The following CSMD3 variants were observed in gnomAD, a reference collection of about 807,000 sequenced individuals.
CSMD3 encodes the protein CUB and sushi domain-containing protein 3.
CSMD3 carries 177 observed loss-of-function variants against 435.2 expected under a neutral mutation model. The observed-to-expected ratio is 0.41, with a 90% CI of 0.36 to 0.46. CSMD3 has a LOEUF of 0.46. Among genes scored for constraint, CSMD3 ranks in the 20% least tolerant of loss-of-function variants. The pLI, the probability that CSMD3 is intolerant of heterozygous loss-of-function variation, is 0.34. For missense variants in CSMD3, 4,265 were observed against 4,504.6 expected (o/e 0.95, Z 1.52); for synonymous variants, 1,656 against 1,520.5 (o/e 1.09, Z -2.07).
At chr8:113,404,608 G>A (rs1210674444) in intron 1 of CSMD3, among the ~76,000 whole-genome samples, 1 of 151,256 alleles carries the variant, frequency 6.6e-6, no homozygotes, top group Admixed American at 6.6e-5. Context: ...TGTCTGAGCA[G>A]GATATATGTT....
chr8:112,604,700 A>T (rs1832655576), intron 22 of CSMD3, among the ~76,000 whole-genome samples: 1 of 152,188 alleles, frequency 6.6e-6, no homozygotes, highest in Non-Finnish European at 1.5e-5. Flanking sequence ...AAGAAAACCT[A>T]AGACATGCCA....
intron 3 of CSMD3, among the ~76,000 whole-genome samples, chr8:113,212,013 A>T (rs2092841186): frequency 6.6e-6 from 1 of 152,180 alleles, no homozygotes; most frequent in African/African-American, 2.4e-5. Context: ...GAATTACTTT[A>T]TATTAATAAA....
chr8:112,236,263 C>T (rs1276274162), intron 67 of CSMD3, among the ~76,000 whole-genome samples: 1 of 151,602 alleles, frequency 6.6e-6, no homozygotes, highest in Non-Finnish European at 1.5e-5. Context: ...AAGAATTTTA[C>T]AGTTTATATT....
chr8:112,292,438 A>G, intron 55 of CSMD3, 99 bp downstream of exon 55: 2 of 1,211,764 alleles, frequency 1.7e-6, no homozygotes, highest in Non-Finnish European at 1.2e-6. Context: ...TTAGATAAAA[A>G]CTTTTTACTA....
chr8:113,266,638 T>C (rs1563627280), intron 3 of CSMD3, among the ~76,000 whole-genome samples: 1 of 151,664 alleles, frequency 6.6e-6, no homozygotes, highest in Non-Finnish European at 1.5e-5. Context: ...ATAAATAACT[T>C]AATAAATGTT....
intron 39 of CSMD3, among the ~76,000 whole-genome samples, chr8:112,351,902 A>G (rs1025980282): frequency 2.6e-5 from 4 of 152,026 alleles, no homozygotes; most frequent in Non-Finnish European, 5.9e-5. Context: ...GACAAAAAAA[A>G]TCAAAAAAGA....
chr8:112,659,315 T>C (rs1036149202), intron 17 of CSMD3, among the ~76,000 whole-genome samples: 2 of 152,226 alleles, frequency 1.3e-5, no homozygotes, highest in African/African-American at 2.4e-5. Flanking sequence ...AATAGTTGTA[T>C]AAATTTCTCA....
intron 3 of CSMD3, among the ~76,000 whole-genome samples, chr8:113,187,658 T>A (rs973512350): frequency 6.6e-6 from 1 of 152,022 alleles, no homozygotes; most frequent in Admixed American, 6.6e-5. Context: ...TTTGTTTTTC[T>A]CTAACATTTT....
intron 5 of CSMD3, among the ~76,000 whole-genome samples, chr8:113,041,711 G>A (rs1226823427): frequency 7.2e-6 from 1 of 137,970 alleles, no homozygotes; most frequent in African/African-American, 2.5e-5. Flanking sequence ...GAAAAAAATT[G>A]TTATGTCTGT....
chr8:113,041,181 G>C, intron 5 of CSMD3, among the ~76,000 whole-genome samples: 1 of 133,568 alleles, frequency 7.5e-6, no homozygotes, highest in South Asian at 2.7e-4. Flanking sequence ...ACGCCAGCCT[G>C]GGTAAGAGAG....
chr8:112,877,896 A>G (rs551743734), intron 10 of CSMD3, among the ~76,000 whole-genome samples: 2 of 152,304 alleles, frequency 1.3e-5, no homozygotes, highest in East Asian at 3.9e-4. Flanking sequence ...CCCATTCCTT[A>G]CACCTTATAC....
At chr8:112,436,341 C>T (rs917648666) in intron 32 of CSMD3, among the ~76,000 whole-genome samples, 1 of 151,638 alleles carries the variant, frequency 6.6e-6, no homozygotes, top group Non-Finnish European at 1.5e-5. Context: ...AAATAATCAG[C>T]ATATTCAGTT....
intron 31 of CSMD3, among the ~76,000 whole-genome samples, chr8:112,476,773 C>T (rs978045209): frequency 1.2e-4 from 18 of 152,228 alleles, no homozygotes; most frequent in East Asian, 3.9e-4. Context: ...TGACTCTTGG[C>T]GTCCAACAAA....
intron 34 of CSMD3, among the ~76,000 whole-genome samples, chr8:112,407,097 T>C (rs972632842): frequency 1.3e-5 from 2 of 151,804 alleles, no homozygotes; most frequent in African/African-American, 4.8e-5. Flanking sequence ...TCAAAAAATA[T>C]GTGTCAGGTT....
chr8:113,429,210 G>T (rs1265385439), intron 1 of CSMD3, among the ~76,000 whole-genome samples: 2 of 150,106 alleles, frequency 1.3e-5, no homozygotes, highest in Admixed American at 6.8e-5. Flanking sequence ...ATGTATTATT[G>T]TTTCTTATAG....
intron 32 of CSMD3, among the ~76,000 whole-genome samples, chr8:112,430,186 T>C (rs978928890): frequency 1.3e-5 from 2 of 152,066 alleles, no homozygotes; most frequent in African/African-American, 4.8e-5. Flanking sequence ...TCCGCTTCCA[T>C]ATTTTCCCTA....
intron 4 of CSMD3, among the ~76,000 whole-genome samples, chr8:113,143,467 T>G (rs1295948333): frequency 6.6e-6 from 1 of 151,460 alleles, no homozygotes; most frequent in Non-Finnish European, 1.5e-5. Context: ...ATTGTGCTTC[T>G]GGGCATTTAT....
At chr8:113,037,398 T>C (rs1190809441) in intron 5 of CSMD3, among the ~76,000 whole-genome samples, 2 of 152,116 alleles carry the variant, frequency 1.3e-5, no homozygotes, top group African/African-American at 2.4e-5. Flanking sequence ...TTTCTATTTA[T>C]GTCATTCTCA....
chr8:112,435,379 T>C (rs532181107), intron 32 of CSMD3, among the ~76,000 whole-genome samples: 45 of 146,352 alleles, frequency 3.1e-4, no homozygotes, highest in South Asian at 2.1e-3. Flanking sequence ...CATGAGACAA[T>C]TGACACTTAG....
Sources: gnomAD v4.1 joint callset for allele counts (sites outside exome capture counted in the v4.1 genomes callset) on GRCh38, gnomAD v4.1.1 for gene constraint, MANE v1.5 for transcripts, NCBI Gene and HGNC (gene_info 2026-07-23, HGNC 2026-07-21) for gene names.